CHKA: variants seen among roughly 807,000 people sequenced by gnomAD.
The protein encoded by CHKA is choline kinase alpha.
Under a neutral mutation model 60.1 loss-of-function variants are expected in CHKA, and 34 were observed. The ratio of observed to expected loss-of-function variants is 0.57; its 90% CI spans 0.43 to 0.75. The LOEUF (loss-of-function observed/expected upper bound fraction) is 0.75. CHKA is among the 30% of genes least tolerant of loss of function. The pLI is 0.00. For missense variants in CHKA, 563 were observed against 561.3 expected, an observed-to-expected ratio of 1.00 and a Z score of -0.03; for synonymous variants, 217 against 223.1, an observed-to-expected ratio of 0.97 and a Z score of 0.24.
intron 7 of CHKA, among the ~76,000 whole-genome samples, chr11:68,068,096 A>C (rs1233016325): frequency 6.6e-6 from 1 of 152,172 alleles, no homozygotes; most frequent in Non-Finnish European, 1.5e-5. Flanking sequence ...TACAGTAAGG[A>C]ACATATCACT....
At chr11:68,061,923 A>G (rs1856262788) in intron 11 of CHKA, 30 bp downstream of exon 11, 2 of 1,494,356 alleles carry the variant, frequency 1.3e-6, no homozygotes, top group African/African-American at 2.8e-5. Flanking sequence ...TAGGAAGAAA[A>G]AAAAAAACAA....
At chr11:68,068,393 G>A (rs976613115) in intron 7 of CHKA, among the ~76,000 whole-genome samples, 9 of 151,596 alleles carry the variant, frequency 5.9e-5, no homozygotes, top group East Asian at 5.8e-4. Context: ...CAAGTTTAGT[G>A]AATATTCTTT....
At chr11:68,073,909 G>C (rs1031089482) in intron 4 of CHKA, among the ~76,000 whole-genome samples, 2 of 152,148 alleles carry the variant, frequency 1.3e-5, no homozygotes, top group Admixed American at 1.3e-4. Context: ...TGAAAATGGG[G>C]AATATCTGAT....
intron 1 of CHKA, among the ~76,000 whole-genome samples, chr11:68,099,851 A>G (rs1590872442): frequency 6.6e-6 from 1 of 152,370 alleles, no homozygotes; most frequent in Non-Finnish European, 1.5e-5. Flanking sequence ...CCTGATTCAA[A>G]GTTTACCCCC....
chr11:68,080,155 A>G (rs973047920), intron 3 of CHKA, among the ~76,000 whole-genome samples: 1 of 152,212 alleles, frequency 6.6e-6, no homozygotes, highest in African/African-American at 2.4e-5. Flanking sequence ...AATGGTTCAC[A>G]ACAGATTGTC....
chr11:68,112,707 C>T (rs1291991318), intron 1 of CHKA, among the ~76,000 whole-genome samples: 2 of 152,182 alleles, frequency 1.3e-5, no homozygotes, highest in East Asian at 3.9e-4. Flanking sequence ...TTGCAAAAGA[C>T]ACATTTGATA....
Position 68,070,239 on chromosome 11 carries a change from C to G in CHKA, c.819G>C (p.Lys273Asn), listed in dbSNP as rs772703860. 5.6e-6 allele frequency: 9 copies of G among 1,614,008 alleles called. No homozygotes were observed. The highest frequency in any genetic ancestry group is 7.6e-6 in the Non-Finnish European group (9 of 1,179,984). The change falls in exon 6 of 12, where the codon AAG becomes AAC. Residue 273 changes from lysine to asparagine, a missense_variant. Coordinates refer to ENST00000265689, the MANE Select transcript of CHKA (RefSeq NM_001277.3). The stretch of plus-strand genomic sequence containing the variant: ...GATTGTAACTGAGCAATTTGTGGAG[C>G]TTTTTAATTCTGGATTCCTCAGTAA... Reference protein sequence around the residue: ...IKFTEESRIKKLHKLLSYNLP... With the variant: ...IKFTEESRIKNLHKLLSYNLP...
chr11:68,110,046 A>G (rs1203167407), intron 1 of CHKA, among the ~76,000 whole-genome samples: 1 of 152,228 alleles, frequency 6.6e-6, no homozygotes, highest in Non-Finnish European at 1.5e-5. Context: ...TAGATGGAGA[A>G]AAACTATCTG....
At chr11:68,100,937 C>CTTTTTTTTTT (rs758101816) in intron 1 of CHKA, among the ~76,000 whole-genome samples, 1 of 78,212 alleles carries the variant, frequency 1.3e-5, no homozygotes, top group Non-Finnish European at 2.5e-5. Context: ...TAAAGAGGTT[C>CTTTTTTTTTT]TTTTTTTTTT....
chr11:68,092,697 T>C (rs1164619115), intron 2 of CHKA, among the ~76,000 whole-genome samples: 1 of 152,144 alleles, frequency 6.6e-6, no homozygotes, highest in African/African-American at 2.4e-5. Context: ...GCCATTAATA[T>C]CTGAAACTCT....
At chr11:68,056,843 T>TA (rs375367885) in intron 11 of CHKA, among the ~76,000 whole-genome samples, 58 of 146,146 alleles carry the variant, frequency 4.0e-4, no homozygotes, top group South Asian at 1.7e-3. Context: ...GACCCTGTCT[T>TA]AAAAAAAAAA....
In CHKA at chr11:68,120,960, G is replaced by GGGGGCT. The variant is rs1242047297; in HGVS notation, c.212_217dup (p.Gln71_Pro72dup). 73 of 1,147,638 alleles carry GGGGGCT rather than the reference G, an allele frequency of 6.4e-5. No homozygotes were observed. Among genetic ancestry groups the GGGGGCT allele is most frequent in the African/African-American group, 8.1e-5 (5 of 61,556 alleles). The allele number at this position is 1,147,638 out of a possible 1,614,324, so 71.1% of individuals were successfully genotyped here. ...CTCGTCTGCGGGCGGCTGCGGCGGC[G>GGGGGCT]GGGGCTGGGGCAGCGGCAGCGGCAG... On this transcript the variant is annotated inframe_insertion, in exon 1 of 12. Coordinates refer to ENST00000265689, the MANE Select transcript of CHKA (RefSeq NM_001277.3).
At chr11:68,087,483 C>CAA (rs1453643198) in intron 2 of CHKA, among the ~76,000 whole-genome samples, 1 of 151,686 alleles carries the variant, frequency 6.6e-6, no homozygotes, top group East Asian at 1.9e-4. Context: ...CTTCATCTCA[C>CAA]ACACACACAC....
chr11:68,106,534 C>T (rs1565192967), intron 1 of CHKA, among the ~76,000 whole-genome samples: 1 of 150,344 alleles, frequency 6.7e-6, no homozygotes, highest in Non-Finnish European at 1.5e-5. Context: ...GCCTGGGCAA[C>T]ACAAAAACCC....
intron 3 of CHKA, among the ~76,000 whole-genome samples, chr11:68,079,393 G>C (rs1014476462): frequency 6.6e-6 from 1 of 151,618 alleles, no homozygotes; most frequent in Admixed American, 6.6e-5. Context: ...GCACTGGCAC[G>C]ATCTCGGCTC....
chr11:68,116,200 T>G (rs1858376838), intron 1 of CHKA, among the ~76,000 whole-genome samples: 1 of 152,204 alleles, frequency 6.6e-6, no homozygotes, highest in African/African-American at 2.4e-5. Flanking sequence ...TTCATTGAAC[T>G]TCATGAAATC....
intron 4 of CHKA, among the ~76,000 whole-genome samples, chr11:68,072,989 C>T (rs1483284597): frequency 6.6e-6 from 1 of 152,022 alleles, no homozygotes; most frequent in African/African-American, 2.4e-5. Flanking sequence ...AGTGAGACTC[C>T]CATCTCAAAA....
At chr11:68,114,868 G>A (rs1044831667) in intron 1 of CHKA, among the ~76,000 whole-genome samples, 1 of 152,134 alleles carries the variant, frequency 6.6e-6, no homozygotes, top group Non-Finnish European at 1.5e-5. Context: ...CCAGTGATTG[G>A]CTGGGCTTAG....
chr11:68,084,336 G>GTATATATGTGTA (rs1458780922), intron 2 of CHKA, among the ~76,000 whole-genome samples: 23 of 127,326 alleles, frequency 1.8e-4, no homozygotes, highest in Non-Finnish European at 3.8e-4. Flanking sequence ...ACACATATAC[G>GTATATATGTGTA]TATATATATG....
Sources: allele counts gnomAD v4.1 joint callset (sites outside exome capture counted in the v4.1 genomes callset), GRCh38; gene constraint gnomAD v4.1.1; transcripts MANE v1.5; gene names NCBI Gene and HGNC (gene_info 2026-07-23, HGNC 2026-07-21).